Variants in HS6ST3 observed in about 807,000 individuals in gnomAD.
The protein encoded by HS6ST3 is heparan sulfate 6-O-sulfotransferase 3, also known as heparan-sulfate 6-O-sulfotransferase 3.
A neutral mutation model predicts 36.7 loss-of-function variants in HS6ST3; 12 were observed. The observed-to-expected ratio is 0.33, with a 90% CI of 0.21 to 0.53. The LOEUF (loss-of-function observed/expected upper bound fraction) is 0.53. Ranked by LOEUF, HS6ST3 falls within the 20% of genes least tolerant of loss-of-function variation. The pLI is 0.95. For synonymous variants in HS6ST3, 240 were observed against 257.5 expected, an observed-to-expected ratio of 0.93 and a Z score of 0.65; for missense variants, 584 against 640.9, an observed-to-expected ratio of 0.91 and a Z score of 0.96.
chr13:96,158,783 A>G (rs1324238504), intron 1 of HS6ST3, among the ~76,000 whole-genome samples: 1 of 151,976 alleles, frequency 6.6e-6, no homozygotes, highest in Non-Finnish European at 1.5e-5. Context: ...AGGAGACAAC[A>G]TTAACACAAG....
chr13:96,486,851 A>G (rs977062035), intron 1 of HS6ST3, among the ~76,000 whole-genome samples: 54 of 152,178 alleles, frequency 3.5e-4, no homozygotes, highest in Admixed American at 3.5e-3. Flanking sequence ...CTGAGAAGGC[A>G]GTAAACTAAG....
chr13:96,138,631 C>T (rs906972482), intron 1 of HS6ST3, among the ~76,000 whole-genome samples: 11 of 152,058 alleles, frequency 7.2e-5, no homozygotes, highest in African/African-American at 2.4e-4. Flanking sequence ...TAGCTTTCAC[C>T]CAGTCCCATC....
chr13:96,595,426 A>AT (rs970695857), intron 1 of HS6ST3, among the ~76,000 whole-genome samples: 16 of 149,000 alleles, frequency 1.1e-4, no homozygotes, highest in East Asian at 2.0e-4. Flanking sequence ...TTTATATGTT[A>AT]TTTTTTTTTC....
rs189988839 is a variant in HS6ST3, at chr13:96,538,687, G to A, written c.708-293803G>A. On this transcript the variant is annotated intron_variant, in intron 1 of 1. Coordinates refer to ENST00000376705, the MANE Select transcript of HS6ST3 (RefSeq NM_153456.4). ...TTGAACTCCTGGCCTCAAGTGATCCGCCTGCCTCGGCCTCCCATAGTGCTG... is the reference window on the plus strand; with the variant it reads ...TTGAACTCCTGGCCTCAAGTGATCCACCTGCCTCGGCCTCCCATAGTGCTG... Among the ~76,000 whole-genome samples, 872 of 152,134 alleles carry A rather than the reference G, an allele frequency of 5.7e-3. 8 individuals are homozygous for A. The highest frequency in any genetic ancestry group is 0.02 in the African/African-American group (841 of 41,522).
At chr13:96,631,155 T>C (rs1052563487) in intron 1 of HS6ST3, among the ~76,000 whole-genome samples, 2 of 152,142 alleles carry the variant, frequency 1.3e-5, no homozygotes, top group African/African-American at 4.8e-5. Context: ...GCTGGTGATA[T>C]ATCAGGCAGG....
chr13:96,123,870 C>A (rs917234456), intron 1 of HS6ST3, among the ~76,000 whole-genome samples: 1 of 152,044 alleles, frequency 6.6e-6, no homozygotes, highest in African/African-American at 2.4e-5. Flanking sequence ...TGCAAAAATC[C>A]TTTTGAAGCT....
At chr13:96,424,672 G>C (rs1245090229) in intron 1 of HS6ST3, among the ~76,000 whole-genome samples, 3 of 152,114 alleles carry the variant, frequency 2.0e-5, no homozygotes, top group Admixed American at 6.6e-5. Flanking sequence ...GGGTGAGGGA[G>C]TTTTCTCCAG....
intron 1 of HS6ST3, among the ~76,000 whole-genome samples, chr13:96,538,189 G>C (rs542685220): frequency 7.4e-4 from 112 of 152,306 alleles, no homozygotes; most frequent in African/African-American, 2.6e-3. Context: ...TTCACTACGT[G>C]CTCCAAATAA....
At chr13:96,502,822 A>G (rs1017277223) in intron 1 of HS6ST3, among the ~76,000 whole-genome samples, 1 of 152,164 alleles carries the variant, frequency 6.6e-6, no homozygotes, top group Non-Finnish European at 1.5e-5. Context: ...TAGCCAAGCC[A>G]TATATCTTGA....
intron 1 of HS6ST3, among the ~76,000 whole-genome samples, chr13:96,605,641 A>C (rs751654658): frequency 4.6e-5 from 7 of 152,144 alleles, no homozygotes; most frequent in African/African-American, 7.2e-5. Flanking sequence ...CTTTTTCAAG[A>C]AAAGGTTTCA....
intron 1 of HS6ST3, among the ~76,000 whole-genome samples, chr13:96,318,104 T>G (rs1230544023): frequency 2.0e-5 from 3 of 152,198 alleles, no homozygotes; most frequent in African/African-American, 7.2e-5. Context: ...TTTTGGGGAC[T>G]TGGCCAAAAA....
chr13:96,499,389 G>C (rs2055992931), intron 1 of HS6ST3, among the ~76,000 whole-genome samples: 1 of 152,090 alleles, frequency 6.6e-6, no homozygotes, highest in Non-Finnish European at 1.5e-5. Context: ...CATTGTTTGG[G>C]GTCATGGGGA....
At chr13:96,675,176 C>A (rs2056695076) in intron 1 of HS6ST3, among the ~76,000 whole-genome samples, 1 of 152,052 alleles carries the variant, frequency 6.6e-6, no homozygotes, top group African/African-American at 2.4e-5. Context: ...AATACACCCA[C>A]TCTCCCAGTA....
In HS6ST3 at chr13:96,181,033, T is replaced by A. The variant is rs543820759; in HGVS notation, c.707+89464T>A. Among the ~76,000 whole-genome samples, 107 of 152,318 alleles carry A rather than the reference T, an allele frequency of 7.0e-4. 1 individual carries two copies. Among genetic ancestry groups the A allele is most frequent in the African/African-American group, 2.3e-3 (95 of 41,586 alleles). ...AACATTCTGCTTAAGGTAATAATATTAATGTTCTGTTATCACATGCATTGG... is the reference window on the plus strand; with the variant it reads ...AACATTCTGCTTAAGGTAATAATATAAATGTTCTGTTATCACATGCATTGG... On this transcript the variant is annotated intron_variant, in intron 1 of 1. Transcript: ENST00000376705.
chr13:96,723,239 A>G (rs1875897355), intron 1 of HS6ST3, among the ~76,000 whole-genome samples: 1 of 152,168 alleles, frequency 6.6e-6, no homozygotes, highest in Non-Finnish European at 1.5e-5. Context: ...GACACCATCC[A>G]GGAGACCTTA....
intron 1 of HS6ST3, among the ~76,000 whole-genome samples, chr13:96,703,897 A>T (rs1875352238): frequency 1.3e-5 from 2 of 152,142 alleles, no homozygotes; most frequent in Non-Finnish European, 2.9e-5. Flanking sequence ...AGTTCTGATG[A>T]TTTAAAAGTG....
intron 1 of HS6ST3, among the ~76,000 whole-genome samples, chr13:96,549,974 T>G (rs1361123223): frequency 1.3e-5 from 2 of 152,218 alleles, no homozygotes; most frequent in Non-Finnish European, 2.9e-5. Flanking sequence ...TCACATTGTA[T>G]GTTCTCTATT....
At position 96,461,500 on chromosome 13, in the gene HS6ST3, G is replaced by T. The variant is rs138412935; in HGVS notation, c.707+369931G>T. 3.8e-3 allele frequency among the ~76,000 whole-genome samples: 585 copies of T among 152,206 alleles called. 4 individuals are homozygous for T. Among genetic ancestry groups the T allele is most frequent in the African/African-American group, 0.014 (564 of 41,528 alleles). The stretch of plus-strand genomic sequence containing the variant: ...GTTCTTAGAAGAGCACAGCCACTAG[G>T]ACACCCATTTCTGGTAGTATGAAAG... On this transcript the variant is annotated intron_variant, in intron 1 of 1. Coordinates refer to ENST00000376705, the MANE Select transcript of HS6ST3 (RefSeq NM_153456.4).
chr13:96,727,571 G>T (rs1876038297), intron 1 of HS6ST3, among the ~76,000 whole-genome samples: 1 of 152,002 alleles, frequency 6.6e-6, no homozygotes, highest in East Asian at 1.9e-4. Context: ...CTCAGCTTGT[G>T]CTCTTTTAAC....
Sources: allele counts gnomAD v4.1 joint callset (sites outside exome capture counted in the v4.1 genomes callset), GRCh38; gene constraint gnomAD v4.1.1; transcripts MANE v1.5; gene names NCBI Gene and HGNC (gene_info 2026-07-23, HGNC 2026-07-21).